The following RSPO2 variants were observed in gnomAD, a reference collection of about 807,000 sequenced individuals.
RSPO2 encodes R-spondin-2.
A neutral mutation model predicts 30.9 loss-of-function variants in RSPO2; 14 were observed. The observed-to-expected ratio is 0.45, with a 90% CI of 0.30 to 0.71. The LOEUF (loss-of-function observed/expected upper bound fraction) is 0.71, where lower values mean the gene tolerates loss of function less well. Among genes scored for constraint, RSPO2 ranks in the 30% least tolerant of loss-of-function variants. The pLI is 0.08. For missense variants in RSPO2, 264 were observed against 301.9 expected, an observed-to-expected ratio of 0.87 and a Z score of 0.93; for synonymous variants, 107 against 96.4, an observed-to-expected ratio of 1.11 and a Z score of -0.64.
intron 5 of RSPO2, among the ~76,000 whole-genome samples, chr8:107,943,024 T>C (rs1812948758): frequency 6.6e-6 from 1 of 152,210 alleles, no homozygotes; most frequent in East Asian, 1.9e-4. Context: ...TCATCAAAAT[T>C]CAGTCCCAGT....
intron 2 of RSPO2, among the ~76,000 whole-genome samples, chr8:108,053,811 T>C (rs1209547739): frequency 7.2e-5 from 11 of 152,148 alleles, no homozygotes; most frequent in Admixed American, 2.0e-4. Flanking sequence ...CATTACTGGC[T>C]AAGAAACGTA....
At chr8:107,949,166 TCCC>T (rs893836193) in intron 5 of RSPO2, among the ~76,000 whole-genome samples, 20 of 151,772 alleles carry the variant, frequency 1.3e-4, no homozygotes, top group South Asian at 2.1e-4. Context: ...CTCACCCCCT[TCCC>T]CCCAAGTCCC....
At chr8:108,028,101 G>A (rs1811281146) in intron 2 of RSPO2, among the ~76,000 whole-genome samples, 2 of 151,826 alleles carry the variant, frequency 1.3e-5, no homozygotes, top group South Asian at 4.2e-4. Context: ...CCCAGGACTG[G>A]GCGGTTCCCA....
chr8:107,965,499 C>G (rs1449774790), intron 3 of RSPO2, among the ~76,000 whole-genome samples: 3 of 152,142 alleles, frequency 2.0e-5, no homozygotes, highest in African/African-American at 7.2e-5. Flanking sequence ...GAACCTAAAC[C>G]CATTCCCTAT....
intron 2 of RSPO2, among the ~76,000 whole-genome samples, chr8:108,056,297 G>GCAA (rs368116499): frequency 9.2e-5 from 14 of 151,856 alleles, no homozygotes; most frequent in South Asian, 2.1e-4. Flanking sequence ...CTTTAAAAAG[G>GCAA]CAACAACAAC....
At chr8:108,074,367 A>G (rs1056451371) in intron 2 of RSPO2, among the ~76,000 whole-genome samples, 1 of 152,232 alleles carries the variant, frequency 6.6e-6, no homozygotes, top group African/African-American at 2.4e-5. Context: ...TGTGTTAAAC[A>G]CAAAATACAC....
chr8:107,954,957 G>T (rs541990526), intron 5 of RSPO2, among the ~76,000 whole-genome samples: 4 of 151,898 alleles, frequency 2.6e-5, no homozygotes, highest in African/African-American at 9.7e-5. Context: ...TCTGTCATTC[G>T]CCATAAATCA....
At chr8:107,903,537 G>T (rs141935013) in intron 5 of RSPO2, among the ~76,000 whole-genome samples, 12 of 152,188 alleles carry the variant, frequency 7.9e-5, no homozygotes, top group Non-Finnish European at 1.6e-4. Flanking sequence ...ATATGATATT[G>T]TGTCATAGGG....
intron 2 of RSPO2, among the ~76,000 whole-genome samples, chr8:108,003,311 ATTTTTTTTTTTT>A (rs869040336): frequency 1.8e-3 from 51 of 29,010 alleles, no homozygotes; most frequent in Middle Eastern, 0.036. Context: ...ATATATATAT[ATTTTTTTTTTTT>A]TTTTTTTTTT....
chr8:107,942,391 A>G (rs571757007), intron 5 of RSPO2, among the ~76,000 whole-genome samples: 13 of 152,324 alleles, frequency 8.5e-5, no homozygotes, highest in African/African-American at 2.9e-4. Context: ...TGATCTCCTA[A>G]GAGATACAGT....
intron 2 of RSPO2, among the ~76,000 whole-genome samples, chr8:108,007,348 C>T (rs1255773726): frequency 6.6e-6 from 1 of 151,800 alleles, no homozygotes; most frequent in Non-Finnish European, 1.5e-5. Flanking sequence ...CATCACCATC[C>T]AAATACCATT....
intron 2 of RSPO2, among the ~76,000 whole-genome samples, chr8:108,066,158 G>A (rs1812659727): frequency 6.6e-6 from 1 of 152,228 alleles, no homozygotes; most frequent in Non-Finnish European, 1.5e-5. Flanking sequence ...CAAGCTTTGA[G>A]AAAACTTAAT....
chr8:107,973,547 C>G (rs1419132307), intron 3 of RSPO2, among the ~76,000 whole-genome samples: 1 of 151,688 alleles, frequency 6.6e-6, no homozygotes, highest in Non-Finnish European at 1.5e-5. Flanking sequence ...CACACACACA[C>G]ACACACACAC....
intron 5 of RSPO2, among the ~76,000 whole-genome samples, chr8:107,906,805 G>A (rs1266737354): frequency 3.3e-5 from 5 of 151,958 alleles, no homozygotes; most frequent in Non-Finnish European, 5.9e-5. Context: ...AATAAAAATT[G>A]TAGTGTATAA....
At chr8:107,961,327 G>C (rs1813620424) in intron 3 of RSPO2, among the ~76,000 whole-genome samples, 1 of 152,134 alleles carries the variant, frequency 6.6e-6, no homozygotes, top group South Asian at 2.1e-4. Flanking sequence ...GACCTGGGTG[G>C]GGCATGGGGG....
At chr8:107,906,990 T>C (rs977896318) in intron 5 of RSPO2, among the ~76,000 whole-genome samples, 3 of 151,980 alleles carry the variant, frequency 2.0e-5, no homozygotes, top group African/African-American at 7.2e-5. Context: ...CCAATACATA[T>C]ATATTTAACA....
chr8:108,062,126 C>T (rs1267239537), intron 2 of RSPO2, among the ~76,000 whole-genome samples: 1 of 151,738 alleles, frequency 6.6e-6, no homozygotes, highest in Non-Finnish European at 1.5e-5. Context: ...ATTAAAAGAA[C>T]TAGAGAAGCA....
intron 2 of RSPO2, among the ~76,000 whole-genome samples, chr8:108,022,589 C>T (rs1021683712): frequency 2.0e-5 from 3 of 152,070 alleles, no homozygotes; most frequent in African/African-American, 4.8e-5. Context: ...ATTTACATAT[C>T]AAAACATGTT....
At chr8:107,927,232 T>C (rs2130331701) in intron 5 of RSPO2, among the ~76,000 whole-genome samples, 1 of 152,304 alleles carries the variant, frequency 6.6e-6, no homozygotes. Context: ...CTTGTGATTT[T>C]TGTACATTGA....
Sources: allele counts gnomAD v4.1 joint callset (sites outside exome capture counted in the v4.1 genomes callset), GRCh38; gene constraint gnomAD v4.1.1; transcripts MANE v1.5; gene names NCBI Gene and HGNC (gene_info 2026-07-23, HGNC 2026-07-21).